Variants in LDLRAD3 observed in about 807,000 individuals in gnomAD.
The protein encoded by LDLRAD3 is low-density lipoprotein receptor class A domain-containing protein 3.
Under a neutral mutation model 29.4 loss-of-function variants are expected in LDLRAD3, and 20 were observed. That is an observed-to-expected ratio of 0.68 (90% confidence interval 0.48 to 0.99). LDLRAD3 has a LOEUF of 0.99. LDLRAD3 is among the 50% of genes least tolerant of loss of function. The probability of loss-of-function intolerance (pLI) is 0.00; values close to 1 mark genes in which losing one functional copy is unlikely to be tolerated. For missense variants in LDLRAD3, 420 were observed against 454.3 expected (o/e 0.92, Z 0.69); for synonymous variants, 157 against 192.7 (o/e 0.81, Z 1.53).
intron 2 of LDLRAD3, among the ~76,000 whole-genome samples, chr11:36,057,826 T>C (rs1852643268): frequency 6.6e-6 from 1 of 152,204 alleles, no homozygotes; most frequent in South Asian, 2.1e-4. Flanking sequence ...AACCACACAT[T>C]TGCGTCACCA....
At chr11:36,170,744 C>T (rs1854586441) in intron 4 of LDLRAD3, among the ~76,000 whole-genome samples, 1 of 151,920 alleles carries the variant, frequency 6.6e-6, no homozygotes, top group Non-Finnish European at 1.5e-5. Flanking sequence ...ATCTGCAGCT[C>T]CCTGATCATT....
chr11:36,094,417 A>G (rs1036038335), intron 3 of LDLRAD3, among the ~76,000 whole-genome samples: 5 of 152,252 alleles, frequency 3.3e-5, no homozygotes, highest in African/African-American at 1.2e-4. Flanking sequence ...AAGACCAAAC[A>G]GCTACCAAAA....
At chr11:35,991,863 TTG>T (rs768922954) in intron 1 of LDLRAD3, among the ~76,000 whole-genome samples, 1 of 103,932 alleles carries the variant, frequency 9.6e-6, no homozygotes. Context: ...AATTGAATGG[TTG>T]TTTGTGTGTG....
At chr11:36,144,742 C>G (rs1408962738) in intron 4 of LDLRAD3, among the ~76,000 whole-genome samples, 1 of 136,804 alleles carries the variant, frequency 7.3e-6, no homozygotes, top group Non-Finnish European at 1.6e-5. Context: ...GCAGCCACCC[C>G]GTCCGGGAGG....
At chr11:36,106,657 T>C (rs1033776554) in intron 4 of LDLRAD3, among the ~76,000 whole-genome samples, 2 of 152,162 alleles carry the variant, frequency 1.3e-5, no homozygotes, top group Non-Finnish European at 2.9e-5. Flanking sequence ...ATGACCAGGG[T>C]ATATTGTATA....
At chr11:36,033,867 G>A (rs1398193415) in intron 1 of LDLRAD3, among the ~76,000 whole-genome samples, 4 of 152,148 alleles carry the variant, frequency 2.6e-5, no homozygotes, top group African/African-American at 7.2e-5. Flanking sequence ...TTCTTGGCTC[G>A]GTGGAACAGA....
chr11:36,038,418 C>T (rs1333244918), intron 2 of LDLRAD3, among the ~76,000 whole-genome samples: 1 of 152,156 alleles, frequency 6.6e-6, no homozygotes, highest in East Asian at 1.9e-4. Context: ...ATTTCAACTT[C>T]GGCACATACG....
chr11:36,132,208 A>G (rs1242308177), intron 4 of LDLRAD3, among the ~76,000 whole-genome samples: 5 of 152,182 alleles, frequency 3.3e-5, no homozygotes, highest in Admixed American at 3.3e-4. Flanking sequence ...TGCCAAACCT[A>G]TTTATAAAGG....
At chr11:36,054,909 A>G (rs1192361073) in intron 2 of LDLRAD3, among the ~76,000 whole-genome samples, 1 of 142,864 alleles carries the variant, frequency 7.0e-6, no homozygotes, top group Admixed American at 7.0e-5. Flanking sequence ...GAATGGATGG[A>G]TGATGGATAC....
At chr11:35,998,933 A>T (rs1019521654) in intron 1 of LDLRAD3, among the ~76,000 whole-genome samples, 1 of 152,182 alleles carries the variant, frequency 6.6e-6, no homozygotes, top group Non-Finnish European at 1.5e-5. Context: ...GTTCAGGCAG[A>T]TGCATTTGTT....
At chr11:36,195,400 C>G (rs1404502905) in intron 4 of LDLRAD3, among the ~76,000 whole-genome samples, 3 of 152,184 alleles carry the variant, frequency 2.0e-5, no homozygotes, top group Non-Finnish European at 4.4e-5. Context: ...TTACACCTAA[C>G]CACTGTTTAT....
chr11:35,970,985 A>G (rs1247869442), intron 1 of LDLRAD3, among the ~76,000 whole-genome samples: 8 of 152,234 alleles, frequency 5.3e-5, no homozygotes, highest in South Asian at 2.1e-4. Context: ...GGAGTATGCC[A>G]TCTCTCCCTG....
chr11:36,059,723 G>A (rs536404310), intron 2 of LDLRAD3, among the ~76,000 whole-genome samples: 31 of 152,240 alleles, frequency 2.0e-4, no homozygotes, highest in Non-Finnish European at 3.4e-4. Flanking sequence ...TACGGTTGCC[G>A]ACTATCACAT....
At chr11:36,048,535 A>G (rs1852485332) in intron 2 of LDLRAD3, among the ~76,000 whole-genome samples, 1 of 152,224 alleles carries the variant, frequency 6.6e-6, no homozygotes, top group African/African-American at 2.4e-5. Context: ...GAGCCTAGAG[A>G]AAATCTGAGA....
intron 2 of LDLRAD3, among the ~76,000 whole-genome samples, chr11:36,079,510 A>T (rs1285435227): frequency 1.3e-5 from 2 of 152,180 alleles, no homozygotes; most frequent in Non-Finnish European, 2.9e-5. Flanking sequence ...AGTAGATATC[A>T]CCTCCAATTT....
Position 35,955,018 on chromosome 11 carries a change from G to A in LDLRAD3, c.46+10874G>A, listed in dbSNP as rs532744789. ...CTTACACCTTGGGAGGCCGAGGCGGGCAGATAACTTGAGGCCAGGACTTCG... is the reference window on the plus strand; with the variant it reads ...CTTACACCTTGGGAGGCCGAGGCGGACAGATAACTTGAGGCCAGGACTTCG... On this transcript the variant is annotated intron_variant, in intron 1 of 5. Transcript: ENST00000315571. Among the ~76,000 whole-genome samples, 56 of 152,326 alleles carry A rather than the reference G, an allele frequency of 3.7e-4. 1 individual carries two copies. The South Asian group carries it at 9.9e-3, about 27-fold the overall frequency.
intron 2 of LDLRAD3, among the ~76,000 whole-genome samples, chr11:36,065,742 G>T (rs182971065): frequency 1.3e-5 from 2 of 152,322 alleles, no homozygotes; most frequent in East Asian, 1.9e-4. Flanking sequence ...TTCAGTTCCC[G>T]TGGGTGTTAC....
At chr11:36,186,105 G>C (rs1399305451) in intron 4 of LDLRAD3, among the ~76,000 whole-genome samples, 1 of 152,144 alleles carries the variant, frequency 6.6e-6, no homozygotes, top group Non-Finnish European at 1.5e-5. Context: ...AGACCCTGGA[G>C]TCACCAACTG....
chr11:36,081,925 C>G lies in LDLRAD3; in HGVS notation c.319+147C>G, dbSNP rs998568200. 7.1e-6 allele frequency: 7 copies of G among 979,182 alleles called. No individual in the cohort carries two copies. The African/African-American group carries it at 9.7e-5, about 14-fold the overall frequency. 60.7% of individuals were successfully genotyped at this position (979,182 alleles called of 1,614,324 possible). On this transcript the variant is annotated intron_variant, in intron 3 of 5. Coordinates refer to ENST00000315571, the MANE Select transcript of LDLRAD3 (RefSeq NM_174902.4). ...ACCCAGATTCTGTTCTTCCCTACTT[C>G]TTGTGTAAATCTGTAAATGTTCAGC...
Sources: allele counts gnomAD v4.1 joint callset (sites outside exome capture counted in the v4.1 genomes callset), GRCh38; gene constraint gnomAD v4.1.1; transcripts MANE v1.5; gene names NCBI Gene and HGNC (gene_info 2026-07-23, HGNC 2026-07-21).